INTS4: variants seen among roughly 807,000 people sequenced by gnomAD.
INTS4 encodes the protein MSTP093.
A neutral mutation model predicts 119.5 loss-of-function variants in INTS4; 70 were observed. The observed-to-expected ratio is 0.59, with a 90% CI of 0.48 to 0.71. The LOEUF (loss-of-function observed/expected upper bound fraction) is 0.71, where lower values mean the gene tolerates loss of function less well. Among genes scored for constraint, INTS4 ranks in the 30% least tolerant of loss-of-function variants. INTS4 has a pLI of 0.00. For missense variants in INTS4, 867 were observed against 1,173.2 expected, an observed-to-expected ratio of 0.74 and a Z score of 3.81; for synonymous variants, 316 against 419.6, an observed-to-expected ratio of 0.75 and a Z score of 3.02.
chr11:77,976,199 T>C (rs969689314), intron 4 of INTS4, among the ~76,000 whole-genome samples: 2 of 152,340 alleles, frequency 1.3e-5, no homozygotes, highest in Non-Finnish European at 2.9e-5. Flanking sequence ...TAATATCTAA[T>C]GCTAGAATAA....
At chr11:77,976,942 G>A (rs979787242) in intron 4 of INTS4, among the ~76,000 whole-genome samples, 1 of 152,200 alleles carries the variant, frequency 6.6e-6, no homozygotes, top group Non-Finnish European at 1.5e-5. Flanking sequence ...GGGGGAAGGG[G>A]GGAGGGATAG....
In INTS4 at chr11:77,918,072, G is replaced by C. The variant is rs529919921; in HGVS notation, c.1922+749C>G. 8.5e-5 allele frequency: 53 copies of C among 621,384 alleles called. 1 individual carries two copies. The East Asian group carries it at 1.5e-3, about 18-fold the overall frequency. The allele number at this position is 621,384 out of a possible 1,614,324, so 38.5% of individuals were successfully genotyped here. ...CCTTTTCCCCACAGGATGGAATACA[G>C]GGGGCACAGTTAGATCTGAATTGTT... On this transcript the variant is annotated intron_variant, in intron 15 of 22. Coordinates refer to ENST00000534064, the MANE Select transcript of INTS4 (RefSeq NM_033547.4).
intron 17 of INTS4, among the ~76,000 whole-genome samples, chr11:77,902,612 T>C (rs922483844): frequency 1.3e-5 from 2 of 152,218 alleles, no homozygotes; most frequent in Admixed American, 6.5e-5. Context: ...CTTATTCCTA[T>C]CTAATGGGAT....
chr11:77,920,258 C>CATATATATAT (rs58721042), intron 14 of INTS4, among the ~76,000 whole-genome samples: 2 of 142,498 alleles, frequency 1.4e-5, no homozygotes, highest in Non-Finnish European at 3.0e-5. Context: ...TACATATATA[C>CATATATATAT]ATATATACAC....
chr11:77,913,543 G>C (rs555914902), intron 15 of INTS4, among the ~76,000 whole-genome samples: 8 of 152,158 alleles, frequency 5.3e-5, no homozygotes, highest in East Asian at 3.9e-4. Context: ...GATCTCCTGA[G>C]CTCGTGATCC....
Position 77,879,117 on chromosome 11 carries a change from C to G in INTS4, c.2724G>C (p.Gln908His). The G allele has an allele frequency of 6.2e-7, 1 of 1,614,120 alleles. No individual in the cohort carries two copies. The highest frequency in any genetic ancestry group is 1.1e-5 in the South Asian group (1 of 91,074). Residue 908 changes from glutamine (Q) to histidine (H), a missense_variant, in exon 23 of 23, where the codon CAG (glutamine) becomes CAC (histidine). By Grantham distance (24) the Gln-to-His change is conservative. Transcript: ENST00000534064. Reference sequence around the variant, plus strand: ...AGGCCAGCAGCAGCCTCACTTCCACCTGGCATGCCTCTGAAAAAAAGATAA... The same window carrying G: ...AGGCCAGCAGCAGCCTCACTTCCACGTGGCATGCCTCTGAAAAAAAGATAA... ...LSHTAWTEAC[Q>H]VEVRLLLAYN...
chr11:77,897,831 T>C (rs1055607461), intron 18 of INTS4, among the ~76,000 whole-genome samples: 4 of 151,794 alleles, frequency 2.6e-5, no homozygotes, highest in African/African-American at 9.7e-5. Flanking sequence ...TTTTAAGACA[T>C]AGGGTCTTGT....
intron 5 of INTS4, 118 bp downstream of exon 5, chr11:77,960,835 A>T: frequency 1.1e-6 from 1 of 936,660 alleles, no homozygotes; most frequent in Non-Finnish European, 1.6e-6. Context: ...GGCCACCACC[A>T]ATACCCTCCT....
intron 8 of INTS4, among the ~76,000 whole-genome samples, chr11:77,948,369 G>A (rs1591093280): frequency 6.6e-6 from 1 of 152,172 alleles, no homozygotes; most frequent in East Asian, 1.9e-4. Flanking sequence ...GAATATAGCT[G>A]GGCGCGGTGG....
downstream of INTS4, among the ~76,000 whole-genome samples, chr11:77,875,798 C>T (rs1951578295): frequency 6.6e-6 from 1 of 152,126 alleles, no homozygotes; most frequent in African/African-American, 2.4e-5. Flanking sequence ...AAGGAAAGAA[C>T]CACAGGAGAC....
At chr11:77,874,922 A>G (rs998871181), downstream of INTS4, among the ~76,000 whole-genome samples, 2 of 152,122 alleles carry the variant, frequency 1.3e-5, no homozygotes, top group African/African-American at 4.8e-5. Context: ...CTGTAATCCC[A>G]GCTAGTCTAC....
At chr11:77,967,331 ATGCCCACACAGCCAGTGGT>A (rs1366468337) in intron 4 of INTS4, among the ~76,000 whole-genome samples, 1 of 152,166 alleles carries the variant, frequency 6.6e-6, no homozygotes, top group Non-Finnish European at 1.5e-5. Context: ...GAGAGGCCAT[ATGCCCACACAGCCAGTGGT>A]TAGTTGTCTT....
intron 18 of INTS4, among the ~76,000 whole-genome samples, chr11:77,895,907 G>T (rs1952497775): frequency 6.6e-6 from 1 of 152,168 alleles, no homozygotes; most frequent in Middle Eastern, 3.2e-3. Context: ...GGAAAGCTAT[G>T]AAAGTGAGGC....
chr11:77,906,905 C>T (rs1952969060), intron 16 of INTS4, among the ~76,000 whole-genome samples: 1 of 152,188 alleles, frequency 6.6e-6, no homozygotes, highest in Non-Finnish European at 1.5e-5. Context: ...AATTCTGCTA[C>T]AGAAGCTGAA....
In INTS4 at chr11:77,918,984, C is replaced by T. The variant is rs537528042; in HGVS notation, c.1765-6G>A. On this transcript the variant is annotated splice_polypyrimidine_tract_variant and splice_region_variant and intron_variant, in intron 14 of 22. Transcript: ENST00000534064. ...ACCAGTTTTCTACCTGGTAACTAAG[C>T]AGAGTGGGATTACAGAGTCATTAAG... 1.2e-6 allele frequency: 2 copies of T among 1,613,776 alleles called. No homozygotes were observed. Among genetic ancestry groups the T allele is most frequent in the African/African-American group, 1.3e-5 (1 of 75,028 alleles).
intron 11 of INTS4, among the ~76,000 whole-genome samples, chr11:77,926,705 G>A (rs756508730): frequency 1.4e-4 from 21 of 151,578 alleles, no homozygotes; most frequent in Non-Finnish European, 2.8e-4. Context: ...CCAGCTGCTC[G>A]GGAGACTGAG....
intron 22 of INTS4, among the ~76,000 whole-genome samples, chr11:77,882,886 C>T (rs1343057227): frequency 6.6e-6 from 1 of 152,138 alleles, no homozygotes. Flanking sequence ...GCTTGGCCAA[C>T]ATGACGAAAC....
chr11:77,933,443 C>A (rs1953709490), intron 10 of INTS4, among the ~76,000 whole-genome samples: 1 of 152,216 alleles, frequency 6.6e-6, no homozygotes, highest in African/African-American at 2.4e-5. Context: ...CCGGGCTGGT[C>A]TCCAGCTCCT....
chr11:77,920,290 T>C lies in INTS4; in HGVS notation c.1764+1050A>G, dbSNP rs1008579310. ...ACACATATATATACACATATATATA[T>C]ATACACACATATATATAAATGTTCC... On this transcript the variant is annotated intron_variant, in intron 14 of 22. Coordinates refer to ENST00000534064, the MANE Select transcript of INTS4 (RefSeq NM_033547.4). 1.8e-3 allele frequency among the ~76,000 whole-genome samples: 212 copies of C among 118,930 alleles called. 1 individual carries two copies. Among genetic ancestry groups the C allele is most frequent in the African/African-American group, 6.3e-3 (199 of 31,476 alleles). 78.0% of individuals were successfully genotyped at this position (118,930 alleles called of 152,430 possible). A position where few individuals can be genotyped will look rare whatever the true frequency, so the allele number is the denominator to read the frequency against.
Sources: gnomAD v4.1 joint callset for allele counts (sites outside exome capture counted in the v4.1 genomes callset) on GRCh38, gnomAD v4.1.1 for gene constraint, MANE v1.5 for transcripts, NCBI Gene and HGNC (gene_info 2026-07-23, HGNC 2026-07-21) for gene names.